The following PCDHGB1 variants were observed in gnomAD, a reference collection of about 807,000 sequenced individuals.
PCDHGB1 encodes the protein protocadherin gamma-B1.
In PCDHGB1, 34 loss-of-function variants were observed where a neutral mutation model predicts 56.6. That is an observed-to-expected ratio of 0.60 (90% CI 0.46 to 0.80). The LOEUF (loss-of-function observed/expected upper bound fraction) is 0.80. Ranked by LOEUF, PCDHGB1 falls within the 30% of genes least tolerant of loss-of-function variation. The pLI, the probability that PCDHGB1 is intolerant of heterozygous loss-of-function variation, is 0.00. For synonymous variants in PCDHGB1, 561 were observed against 505.9 expected, an observed-to-expected ratio of 1.11 and a Z score of -1.46; for missense variants, 1,278 against 1,204.6, an observed-to-expected ratio of 1.06 and a Z score of -0.90.
At chr5:141,497,503 C>CTGCTTCCT (rs1042765123) in intron 2 of PCDHGB1, among the ~76,000 whole-genome samples, 57 of 151,054 alleles carry the variant, frequency 3.8e-4, no homozygotes, top group African/African-American at 1.4e-3. Flanking sequence ...TCTCCTCTCT[C>CTGCTTCCT]TGCTTCCTTA....
At chr5:141,426,925 A>G in intron 1 of PCDHGB1, 1 of 456,756 alleles carries the variant, frequency 2.2e-6, no homozygotes, top group Non-Finnish European at 4.4e-6. Flanking sequence ...GAAGCAATGG[A>G]CATGGGTGAC....
intron 1 of PCDHGB1, chr5:141,394,304 G>T (rs1317596371): frequency 1.2e-6 from 2 of 1,613,932 alleles, no homozygotes; most frequent in Admixed American, 1.7e-5. Flanking sequence ...ACACGCTGCA[G>T]GGGGCGCCCC....
intron 1 of PCDHGB1, chr5:141,356,412 G>C (rs775827547): frequency 6.2e-7 from 1 of 1,600,348 alleles, no homozygotes; most frequent in Non-Finnish European, 8.5e-7. Context: ...ATTATCGGTT[G>C]TTGACACACA....
At position 141,493,026 on chromosome 5, in the gene PCDHGB1, C is replaced by G. The variant is rs73280358; in HGVS notation, c.2410-1781C>G. Reference sequence around the variant, plus strand: ...TAGGCTCTGCCAGATGCCAGGGTGCCCTTATGTGTGAGGAAACTACAATAG... The same window carrying G: ...TAGGCTCTGCCAGATGCCAGGGTGCGCTTATGTGTGAGGAAACTACAATAG... On this transcript the variant is annotated intron_variant, in intron 1 of 3. Coordinates refer to ENST00000523390, the MANE Select transcript of PCDHGB1 (RefSeq NM_018922.3). This position sits in a 1 kb window ranked among gnomAD's most constrained non-coding sequence, Gnocchi z 4.3. 0.039 allele frequency among the ~76,000 whole-genome samples: 5,923 copies of G among 152,298 alleles called. 150 individuals are homozygous for G. The highest frequency in any genetic ancestry group is 0.077 in the South Asian group (370 of 4,822).
At position 141,477,896 on chromosome 5, in the gene PCDHGB1, G is replaced by A. The variant is rs1444527086; in HGVS notation, c.2410-16911G>A. 2 of 1,614,174 alleles carry A rather than the reference G, an allele frequency of 1.2e-6. No individual in the cohort carries two copies. Among genetic ancestry groups the A allele is most frequent in the Non-Finnish European group, 1.7e-6 (2 of 1,180,038 alleles). ...AGCTGGCCACCTAGTGTCACGGGTG[G>A]TAGGCTGGGACGCGGATGCAGGGCA... On this transcript the variant is annotated intron_variant, in intron 1 of 3. Coordinates refer to ENST00000523390, the MANE Select transcript of PCDHGB1 (RefSeq NM_018922.3). The surrounding 1 kb of genome is among the most constrained non-coding windows in gnomAD (Gnocchi z 4.9).
At chr5:141,433,732 G>A (rs1181042854) in intron 1 of PCDHGB1, among the ~76,000 whole-genome samples, 2 of 151,886 alleles carry the variant, frequency 1.3e-5, no homozygotes, top group Non-Finnish European at 2.9e-5. Flanking sequence ...AGCTACTTGG[G>A]AGGCTGAGTC....
Position 141,351,178 on chromosome 5 carries a change from A to G in PCDHGB1, c.918A>G (p.Glu306=). The G allele has an allele frequency of 6.2e-7, 1 of 1,614,062 alleles. No individual in the cohort carries two copies. The highest frequency in any genetic ancestry group is 8.5e-7 in the Non-Finnish European group (1 of 1,179,890). Residue 306 remains glutamate (E), a synonymous_variant, in exon 1 of 4, where the codon GAA becomes GAG. Coordinates refer to ENST00000523390, the MANE Select transcript of PCDHGB1 (RefSeq NM_018922.3). ...DITTNGTLDF[E]ETSRYVLSVE... ...CAACCAATGGCACATTGGATTTTGA[A>G]GAGACAAGTAGATATGTGTTGAGTG...
intron 1 of PCDHGB1, chr5:141,375,263 T>C (rs200233213): frequency 1.2e-6 from 2 of 1,613,828 alleles, no homozygotes; most frequent in Non-Finnish European, 1.7e-6. Context: ...CCCATTTGAA[T>C]TGGAAAAATC....
rs374095590 is a variant in PCDHGB1, at chr5:141,431,523, T to C, written c.2410-63284T>C. On this transcript the variant is annotated intron_variant, in intron 1 of 3. Coordinates refer to ENST00000523390, the MANE Select transcript of PCDHGB1 (RefSeq NM_018922.3). This position sits in a 1 kb window ranked among gnomAD's most constrained non-coding sequence, Gnocchi z 4.8. ...TACCGCGCGAGCGTTCCGGAGAATC[T>C]GGCCTTGGGCACGCAGCTGCTTGTA... 13 of 1,613,952 alleles carry C rather than the reference T, an allele frequency of 8.1e-6. No homozygotes were observed. The African/African-American group carries it at 1.5e-4, about 18-fold the overall frequency.
chr5:141,397,047 G>A (rs180929307), intron 1 of PCDHGB1, among the ~76,000 whole-genome samples: 130 of 152,158 alleles, frequency 8.5e-4, no homozygotes, highest in African/African-American at 2.9e-3. Context: ...TTATGTAAAT[G>A]AACTTATGAG....
chr5:141,371,233 C>T lies in PCDHGB1; in HGVS notation c.2409+18564C>T, dbSNP rs773899616. 4 of 1,613,864 alleles carry T rather than the reference C, an allele frequency of 2.5e-6. No individual in the cohort carries two copies. The Admixed American group carries it at 5.0e-5, about 20-fold the overall frequency. ...GGCATCAATGCCGAAATCATCTATG[C>T]CTTCATCAATATTGGCAAGGAAGTG... On this transcript the variant is annotated intron_variant, in intron 1 of 3. Transcript: ENST00000523390.
chr5:141,431,560 C>T lies in PCDHGB1; in HGVS notation c.2410-63247C>T, dbSNP rs751276470. On this transcript the variant is annotated intron_variant, in intron 1 of 3. Coordinates refer to ENST00000523390, the MANE Select transcript of PCDHGB1 (RefSeq NM_018922.3). This position sits in a 1 kb window ranked among gnomAD's most constrained non-coding sequence, Gnocchi z 4.8. ...CGCAGCTGCTTGTAGTCAACGCTAC[C>T]GACCCTGACGAAGGAGTCAATGCGG... The T allele has an allele frequency of 6.2e-7, 1 of 1,614,104 alleles. No individual in the cohort carries two copies. The highest frequency in any genetic ancestry group is 1.7e-5 in the Admixed American group (1 of 60,036).
intron 1 of PCDHGB1, chr5:141,396,749 A>G (rs944470602): frequency 1.3e-5 from 2 of 152,368 alleles, no homozygotes; most frequent in African/African-American, 4.8e-5. Flanking sequence ...GTAGAAGTAG[A>G]TGACCCAATA....
At chr5:141,466,281 C>T (rs555506496) in intron 1 of PCDHGB1, among the ~76,000 whole-genome samples, 76 of 152,252 alleles carry the variant, frequency 5.0e-4, no homozygotes, top group African/African-American at 1.7e-3. Context: ...AGCAATCTTC[C>T]CACCTCAGGC....
chr5:141,450,702 G>T (rs1466981422), intron 1 of PCDHGB1, among the ~76,000 whole-genome samples: 6 of 152,026 alleles, frequency 3.9e-5, no homozygotes, highest in South Asian at 2.1e-4. Flanking sequence ...GCCCAGGATG[G>T]TCTCCAACTC....
At position 141,489,207 on chromosome 5, in the gene PCDHGB1, A is replaced by T; in HGVS notation, c.2410-5600A>T. The T allele has an allele frequency of 6.9e-7, 1 of 1,452,692 alleles. No homozygotes were observed. The highest frequency in any genetic ancestry group is 9.3e-7 in the Non-Finnish European group (1 of 1,073,586). 90.0% of individuals were successfully genotyped at this position (1,452,692 alleles called of 1,614,324 possible). ...GGGTCTACCTTGGAGACAGGACAGC[A>T]CAGACTTACTCTCCACAAAGGGACT... On this transcript the variant is annotated intron_variant, in intron 1 of 3. Transcript: ENST00000523390. The surrounding 1 kb of genome is among the most constrained non-coding windows in gnomAD (Gnocchi z 4.5).
At chr5:141,387,770 T>A in intron 1 of PCDHGB1, 1 of 1,438,412 alleles carries the variant, frequency 7.0e-7, no homozygotes, top group Non-Finnish European at 9.2e-7. Flanking sequence ...AAGAATTTTT[T>A]CTTGAACTGG....
intron 1 of PCDHGB1, among the ~76,000 whole-genome samples, chr5:141,484,675 T>C (rs1179759392): frequency 6.6e-6 from 1 of 152,042 alleles, no homozygotes; most frequent in African/African-American, 2.4e-5. Context: ...GGGCCGCAGG[T>C]TGCTAGGGCT....
At chr5:141,453,201 C>A (rs115660512) in intron 1 of PCDHGB1, among the ~76,000 whole-genome samples, 1 of 152,206 alleles carries the variant, frequency 6.6e-6, no homozygotes, top group South Asian at 2.1e-4. Flanking sequence ...GCAGCCTCAA[C>A]CTCGTGCACT....
Sources: gnomAD v4.1 joint callset for allele counts (sites outside exome capture counted in the v4.1 genomes callset) on GRCh38, gnomAD v4.1.1 for gene constraint, Gnocchi (gnomAD v3.1) non-coding constraint, MANE v1.5 for transcripts, NCBI Gene and HGNC (gene_info 2026-07-23, HGNC 2026-07-21) for gene names.